The following SNTG2 variants were observed in gnomAD, a reference collection of about 807,000 sequenced individuals.
SNTG2 encodes the protein syntrophin gamma 2.
A neutral mutation model predicts 70.9 loss-of-function variants in SNTG2; 74 were observed. That is an observed-to-expected ratio of 1.04 (90% CI 0.86 to 1.27). SNTG2 has a LOEUF of 1.27. Among genes scored for constraint, SNTG2 ranks in the 50% most tolerant of loss-of-function variants. The pLI is 0.00. For missense variants in SNTG2, 717 were observed against 690.7 expected, an observed-to-expected ratio of 1.04 and a Z score of -0.43; for synonymous variants, 278 against 273.8, an observed-to-expected ratio of 1.02 and a Z score of -0.15.
Position 1,367,595 on chromosome 2 carries a change from C to A in SNTG2, c.*121C>A. The A allele has an allele frequency of 8.2e-7, 1 of 1,226,536 alleles. No homozygotes were observed. Among genetic ancestry groups the A allele is most frequent in the Non-Finnish European group, 1.1e-6 (1 of 900,836 alleles). 76.0% of individuals were successfully genotyped at this position (1,226,536 alleles called of 1,614,324 possible). ...GCCTATAGTTGTGATACCAATAAAA[C>A]ATGTCACTAGTTTCCAAAGACGGGT... On this transcript the variant is annotated 3_prime_UTR_variant, in exon 17 of 17. Coordinates refer to ENST00000308624, the MANE Select transcript of SNTG2 (RefSeq NM_018968.4).
chr2:1,005,843 ATATATATATAT>A (rs1659551522), intron 1 of SNTG2, among the ~76,000 whole-genome samples: 1 of 20,752 alleles, frequency 4.8e-5, no homozygotes, highest in Admixed American at 6.8e-4. Flanking sequence ...ATATATATAT[ATATATATATAT>A]ATATATATAT....
At chr2:1,036,339 A>C (rs1442876177) in intron 1 of SNTG2, among the ~76,000 whole-genome samples, 1 of 151,938 alleles carries the variant, frequency 6.6e-6, no homozygotes, top group Non-Finnish European at 1.5e-5. Context: ...ATACTCTGAT[A>C]TTCTTTACAA....
chr2:1,354,129 T>A (rs1660724536), intron 16 of SNTG2, among the ~76,000 whole-genome samples: 1 of 152,200 alleles, frequency 6.6e-6, no homozygotes, highest in Non-Finnish European at 1.5e-5. Context: ...TCAGCCACCG[T>A]TAAATATTAA....
chr2:1,059,461 G>A (rs552588910), intron 1 of SNTG2: 21 of 152,250 alleles, frequency 1.4e-4, no homozygotes, highest in African/African-American at 4.8e-4. Flanking sequence ...GGATTCCACA[G>A]GTTTTATAAA....
chr2:1,162,733 G>C (rs917932227), intron 6 of SNTG2, among the ~76,000 whole-genome samples: 1 of 152,176 alleles, frequency 6.6e-6, no homozygotes, highest in Non-Finnish European at 1.5e-5. Flanking sequence ...TTTCACCAAA[G>C]AGGAGAAGAA....
chr2:1,197,527 G>GTATGTATATATGTGTATGTATATA lies in SNTG2; in HGVS notation c.592-11575_592-11574insATGTATATATGTGTATGTATATAT, dbSNP rs57293269. 3.0e-3 allele frequency among the ~76,000 whole-genome samples: 291 copies of GTATGTATATATGTGTATGTATATA among 96,330 alleles called. 1 individual carries two copies. The highest frequency in any genetic ancestry group is 9.5e-3 in the African/African-American group (260 of 27,284). The allele number at this position is 96,330 out of a possible 152,430, so 63.2% of individuals were successfully genotyped here. On this transcript the variant is annotated intron_variant, in intron 8 of 16. Coordinates refer to ENST00000308624, the MANE Select transcript of SNTG2 (RefSeq NM_018968.4). ...TGTATGTATATATATGTGTGTGTGTGTGTGTGTGTGTGTGTGTGTGTGTAT... is the reference window on the plus strand; with the variant it reads ...TGTATGTATATATATGTGTGTGTGTGTATGTATATATGTGTATGTATATATGTGTGTGTGTGTGTGTGTGTGTAT...
rs530814866 is a variant in SNTG2 at position 1,251,427 on chromosome 2, C to T, written c.1005+3984C>T. Among the ~76,000 whole-genome samples, 1,141 of 148,064 alleles carry T rather than the reference C, an allele frequency of 7.7e-3. 4 individuals are homozygous for T. The highest frequency in any genetic ancestry group is 0.017 in the South Asian group (80 of 4,582). ...TCACATAGACCCACACACATGCACA[C>T]ACCACACACCACACACACCACACAC... On this transcript the variant is annotated intron_variant, in intron 12 of 16. Coordinates refer to ENST00000308624, the MANE Select transcript of SNTG2 (RefSeq NM_018968.4).
At chr2:1,115,664 G>A (rs75958624) in intron 4 of SNTG2, among the ~76,000 whole-genome samples, 1 of 151,756 alleles carries the variant, frequency 6.6e-6, no homozygotes, top group Non-Finnish European at 1.5e-5. Flanking sequence ...GGAGGATCGT[G>A]TGTACTAAGT....
At chr2:1,184,994 AAGTT>A (rs553180501) in intron 8 of SNTG2, among the ~76,000 whole-genome samples, 99 of 152,316 alleles carry the variant, frequency 6.5e-4, no homozygotes, top group African/African-American at 2.4e-3. Context: ...TAATTTTAAA[AAGTT>A]AGTTACTTCC....
At chr2:1,051,310 A>G (rs9309724) in intron 1 of SNTG2, among the ~76,000 whole-genome samples, 23,481 of 152,046 alleles carry the variant, frequency 0.15, 1,984 homozygotes, top group African/African-American at 0.22. Context: ...TCCTTTTCTC[A>G]GGAATTTTCA....
intron 8 of SNTG2, among the ~76,000 whole-genome samples, chr2:1,195,988 A>G (rs1160822346): frequency 1.3e-5 from 2 of 152,328 alleles, no homozygotes; most frequent in South Asian, 2.1e-4. Context: ...AAAGGCCTAC[A>G]GTATATAATA....
intron 1 of SNTG2, among the ~76,000 whole-genome samples, chr2:1,001,022 A>C (rs1659369155): frequency 6.6e-6 from 1 of 152,068 alleles, no homozygotes; most frequent in South Asian, 2.1e-4. Flanking sequence ...CCAAAAACAT[A>C]TAATCATCTC....
chr2:1,127,890 T>C (rs1054342011), intron 4 of SNTG2, among the ~76,000 whole-genome samples: 2 of 152,196 alleles, frequency 1.3e-5, no homozygotes, highest in Non-Finnish European at 2.9e-5. Context: ...CAAGATCATG[T>C]CATCTGCAAA....
intron 14 of SNTG2, among the ~76,000 whole-genome samples, chr2:1,280,747 T>A (rs112400530): frequency 4.6e-5 from 7 of 152,256 alleles, no homozygotes; most frequent in Non-Finnish European, 8.8e-5. Flanking sequence ...ATATTAAAGT[T>A]ATTGAATGCA....
intron 1 of SNTG2, among the ~76,000 whole-genome samples, chr2:1,016,968 G>T (rs573652127): frequency 6.6e-6 from 1 of 152,306 alleles, no homozygotes; most frequent in African/African-American, 2.4e-5. Flanking sequence ...TGCTGCTGTG[G>T]CTGGTAAGAG....
intron 9 of SNTG2, among the ~76,000 whole-genome samples, chr2:1,233,549 G>T (rs1055457259): frequency 6.6e-6 from 1 of 152,196 alleles, no homozygotes; most frequent in East Asian, 1.9e-4. Context: ...CAGGGTTGAG[G>T]CTGGCACTGA....
intron 11 of SNTG2, among the ~76,000 whole-genome samples, chr2:1,244,259 G>A (rs368891906): frequency 5.0e-4 from 76 of 152,232 alleles, no homozygotes; most frequent in African/African-American, 1.7e-3. Context: ...CCATTCGCTC[G>A]TTTTTTGTTT....
chr2:1,306,885 G>C (rs1457816297), intron 14 of SNTG2, among the ~76,000 whole-genome samples: 2 of 152,074 alleles, frequency 1.3e-5, no homozygotes, highest in Admixed American at 1.3e-4. Context: ...TCAGAGAGCT[G>C]TGCGCTGTGT....
rs758094185 is a variant in SNTG2 at position 1,267,467 on chromosome 2, G to A, written c.1180G>A (p.Gly394Ser). Residue 394 changes from glycine to serine, a missense_variant, in exon 14 of 17, where the codon GGC (glycine) becomes AGC (serine). Gly to Ser is a moderately conservative substitution (Grantham distance 56). Transcript: ENST00000308624. ...QRPYCFSIVAGHGKSHVFNVE... is the reference protein window; with the variant it reads ...QRPYCFSIVASHGKSHVFNVE... ...GCCCTATTGCTTCAGCATCGTGGCCGGCCATGGGAAGAGCCATGTTTTCAA... is the reference window on the plus strand; with the variant it reads ...GCCCTATTGCTTCAGCATCGTGGCCAGCCATGGGAAGAGCCATGTTTTCAA... 16 of 1,613,710 alleles carry A rather than the reference G, an allele frequency of 9.9e-6. No individual in the cohort carries two copies. The highest frequency in any genetic ancestry group is 4.4e-5 in the South Asian group (4 of 91,018).
Sources: gnomAD v4.1 joint callset for allele counts (sites outside exome capture counted in the v4.1 genomes callset) on GRCh38, gnomAD v4.1.1 for gene constraint, MANE v1.5 for transcripts, NCBI Gene and HGNC (gene_info 2026-07-23, HGNC 2026-07-21) for gene names.